UGT1A8: variants seen among roughly 807,000 people sequenced by gnomAD.
The protein encoded by UGT1A8 is UDP-glucuronosyltransferase 1A8.
A neutral mutation model predicts 45.3 loss-of-function variants in UGT1A8; 39 were observed. The ratio of observed to expected loss-of-function variants is 0.86; its 90% CI spans 0.67 to 1.12. The LOEUF (loss-of-function observed/expected upper bound fraction) is 1.12. Ranked by LOEUF, UGT1A8 falls within the 50% of genes most tolerant of loss-of-function variation. The probability of loss-of-function intolerance (pLI) is 0.00; values close to 1 mark genes in which losing one functional copy is unlikely to be tolerated. For synonymous variants in UGT1A8, 275 were observed against 249.2 expected (o/e 1.10, Z -0.97); for missense variants, 719 against 664.9 (o/e 1.08, Z -0.90).
rs575083074 is a variant in UGT1A8, at chr2:233,732,492, C to T, written c.856-34542C>T. ...ATCTGGAATTAATTTTTGTATAAGGCGTAAGGAAGGGATCCTGTTCCAGCT... is the reference window on the plus strand; with the variant it reads ...ATCTGGAATTAATTTTTGTATAAGGTGTAAGGAAGGGATCCTGTTCCAGCT... On this transcript the variant is annotated intron_variant, in intron 1 of 4. Transcript: ENST00000373450. 1.1e-3 allele frequency among the ~76,000 whole-genome samples: 168 copies of T among 152,214 alleles called. 2 individuals are homozygous for T. Among genetic ancestry groups the T allele is most frequent in the Middle Eastern group, 0.01 (3 of 294 alleles).
chr2:233,693,598 G>A, intron 1 of UGT1A8: 1 of 1,614,182 alleles, frequency 6.2e-7, no homozygotes, highest in Non-Finnish European at 8.5e-7. Context: ...GCTACACAAA[G>A]TTTTCAGACC....
chr2:233,759,780 G>C (rs1697251948), intron 1 of UGT1A8, among the ~76,000 whole-genome samples: 1 of 152,286 alleles, frequency 6.6e-6, no homozygotes, highest in South Asian at 2.1e-4. Context: ...TTGGACGAAG[G>C]AATGAAACAC....
intron 1 of UGT1A8, chr2:233,672,836 A>C: frequency 6.4e-7 from 1 of 1,556,988 alleles, no homozygotes; most frequent in Non-Finnish European, 8.7e-7. Flanking sequence ...CACCTTTGGA[A>C]ATTAAAAAAG....
intron 1 of UGT1A8, among the ~76,000 whole-genome samples, chr2:233,678,850 G>A (rs1449791470): frequency 6.6e-6 from 1 of 152,242 alleles, no homozygotes; most frequent in South Asian, 2.1e-4. Context: ...CCAACATTTT[G>A]TTGCTGTATC....
chr2:233,738,808 A>G (rs1190321536), intron 1 of UGT1A8: 3 of 152,254 alleles, frequency 2.0e-5, no homozygotes, highest in South Asian at 4.1e-4. Flanking sequence ...TACTAGCTAA[A>G]GAAATTTGAA....
intron 1 of UGT1A8, among the ~76,000 whole-genome samples, chr2:233,703,382 A>G (rs1384920463): frequency 6.6e-6 from 1 of 151,458 alleles, no homozygotes; most frequent in Non-Finnish European, 1.5e-5. Flanking sequence ...TTTTGTCTAT[A>G]TTTTCAAATA....
At chr2:233,674,162 A>G (rs1214639347) in intron 1 of UGT1A8, among the ~76,000 whole-genome samples, 1 of 152,214 alleles carries the variant, frequency 6.6e-6, no homozygotes, top group Non-Finnish European at 1.5e-5. Context: ...TTGGTAACAC[A>G]GTCATATTCT....
In UGT1A8 at chr2:233,767,014, A is replaced by C. The variant is rs1355233349; in HGVS notation, c.856-20A>C. The C allele has an allele frequency of 5.6e-6, 9 of 1,613,832 alleles. No individual in the cohort carries two copies. Among genetic ancestry groups the C allele is most frequent in the Non-Finnish European group, 1.7e-6 (2 of 1,179,972 alleles). On this transcript the variant is annotated intron_variant, in intron 1 of 4. Coordinates refer to ENST00000373450, the MANE Select transcript of UGT1A8 (RefSeq NM_019076.5). ...AGAATATGAGAAAAAATTAACTGAA[A>C]ATTTTTCTTCTGGCTCTAGGAATTT...
Position 233,669,724 on chromosome 2 carries a change from C to T in UGT1A8, c.855+51162C>T, listed in dbSNP as rs550898823. Among the ~76,000 whole-genome samples the T allele has an allele frequency of 2.0e-5, 3 of 152,166 alleles. No individual in the cohort carries two copies. The South Asian group carries it at 6.2e-4, about 32-fold the overall frequency. The stretch of plus-strand genomic sequence containing the variant: ...TTTGAGACAGAGTCGTGCTGTTTTG[C>T]CCGGGCTGGAGTATAATGGCGTGAT... On this transcript the variant is annotated intron_variant, in intron 1 of 4. Coordinates refer to ENST00000373450, the MANE Select transcript of UGT1A8 (RefSeq NM_019076.5).
intron 1 of UGT1A8, chr2:233,692,753 T>C: frequency 8.8e-7 from 1 of 1,135,016 alleles, no homozygotes; most frequent in African/African-American, 1.6e-5. Flanking sequence ...AGCAGACTTG[T>C]GGAGCTGAAG....
At chr2:233,641,839 T>C (rs1031597938) in intron 1 of UGT1A8, among the ~76,000 whole-genome samples, 3 of 152,196 alleles carry the variant, frequency 2.0e-5, no homozygotes, top group Non-Finnish European at 2.9e-5. Flanking sequence ...CACTCTCTCC[T>C]GGCCTGTAAG....
intron 1 of UGT1A8, chr2:233,692,763 G>A (rs542807063): frequency 8.1e-7 from 1 of 1,239,150 alleles, no homozygotes; most frequent in Admixed American, 3.5e-5. Flanking sequence ...TGGAGCTGAA[G>A]AGAAACACCC....
At chr2:233,693,537 T>C (rs559606091) in intron 1 of UGT1A8, 4 of 1,614,218 alleles carry the variant, frequency 2.5e-6, no homozygotes, top group South Asian at 2.2e-5. Context: ...CCGTGTTCCC[T>C]GGAGCATACA....
At chr2:233,632,639 T>C (rs970779730) in intron 1 of UGT1A8, among the ~76,000 whole-genome samples, 3 of 152,194 alleles carry the variant, frequency 2.0e-5, no homozygotes, top group African/African-American at 7.2e-5. Context: ...GTTTTTCCAT[T>C]ATTGGTGTAT....
intron 1 of UGT1A8, among the ~76,000 whole-genome samples, chr2:233,663,380 T>A (rs2074013112): frequency 6.6e-6 from 1 of 152,112 alleles, no homozygotes; most frequent in South Asian, 2.1e-4. Context: ...GAGTGCTGAT[T>A]GGTCAGGGAT....
chr2:233,770,554 A>G (rs1700106811), intron 4 of UGT1A8: 1 of 152,026 alleles, frequency 6.6e-6, no homozygotes, highest in Non-Finnish European at 1.5e-5. Flanking sequence ...GCTATTTGGG[A>G]GGCTGAGGCA....
intron 1 of UGT1A8, among the ~76,000 whole-genome samples, chr2:233,661,081 T>G (rs2073953330): frequency 6.6e-6 from 1 of 152,136 alleles, no homozygotes; most frequent in Admixed American, 6.6e-5. Flanking sequence ...GCTGCATTTT[T>G]TATAATAAAA....
At chr2:233,638,306 A>G (rs1002110688) in intron 1 of UGT1A8, among the ~76,000 whole-genome samples, 4 of 152,168 alleles carry the variant, frequency 2.6e-5, no homozygotes, top group Admixed American at 6.5e-5. Flanking sequence ...GTACAGGGCA[A>G]TGTTTCCATT....
chr2:233,686,676 G>T (rs2074799451), intron 1 of UGT1A8, among the ~76,000 whole-genome samples: 1 of 152,076 alleles, frequency 6.6e-6, no homozygotes, highest in Non-Finnish European at 1.5e-5. Flanking sequence ...GCCCACTCAG[G>T]ATATTCTGGT....
Sources: gnomAD v4.1 joint callset for allele counts (sites outside exome capture counted in the v4.1 genomes callset) on GRCh38, gnomAD v4.1.1 for gene constraint, MANE v1.5 for transcripts, NCBI Gene and HGNC (gene_info 2026-07-23, HGNC 2026-07-21) for gene names.